Variants in INIP observed in about 807,000 individuals in gnomAD.
The protein encoded by INIP is SOSS complex subunit C.
In INIP, 9 loss-of-function variants were observed where a neutral mutation model predicts 14.0. The ratio of observed to expected loss-of-function variants is 0.64; its 90% CI spans 0.39 to 1.12. The LOEUF (loss-of-function observed/expected upper bound fraction) is 1.12. Among genes scored for constraint, INIP ranks in the 50% most tolerant of loss-of-function variants. INIP has a pLI of 0.01. For synonymous variants in INIP, 37 were observed against 41.5 expected (o/e 0.89, Z 0.41); for missense variants, 78 against 122.7 (o/e 0.64, Z 1.72).
chr9:112,702,496 T>G (rs1838329365), intron 2 of INIP, among the ~76,000 whole-genome samples: 1 of 152,148 alleles, frequency 6.6e-6, no homozygotes, highest in South Asian at 2.1e-4. Context: ...TACATGAGAG[T>G]GAGGGTGGCA....
intron 2 of INIP, among the ~76,000 whole-genome samples, chr9:112,715,125 TACATACATAC>T (rs1483223715): frequency 7.0e-4 from 75 of 106,412 alleles, no homozygotes; most frequent in African/African-American, 2.6e-3. Flanking sequence ...CACACATACA[TACATACATAC>T]ACACACACAC....
In INIP at chr9:112,716,555, GTACACACA is replaced by G; in HGVS notation, c.-56-22_-56-15del. On this transcript the variant is annotated splice_polypyrimidine_tract_variant and intron_variant, in intron 1 of 4. Transcript: ENST00000374242. ...CTTCACAATCACCTATAAAATATGT[GTACACACA>G]TATACAATGCACCATATTTTAATCA... 1.6e-6 allele frequency: 2 copies of G among 1,279,636 alleles called. No individual in the cohort carries two copies. Among genetic ancestry groups the G allele is most frequent in the Non-Finnish European group, 2.3e-6 (2 of 875,206 alleles). The allele number at this position is 1,279,636 out of a possible 1,614,324, so 79.3% of individuals were successfully genotyped here.
intron 3 of INIP, among the ~76,000 whole-genome samples, chr9:112,691,662 C>T (rs1382066815): frequency 2.6e-5 from 4 of 152,238 alleles, no homozygotes; most frequent in African/African-American, 9.6e-5. Context: ...AAGATAGTCT[C>T]CTCCTACTGT....
intron 4 of INIP, among the ~76,000 whole-genome samples, chr9:112,688,468 C>T (rs1356926272): frequency 6.7e-6 from 1 of 150,302 alleles, no homozygotes; most frequent in East Asian, 2.0e-4. Context: ...CAGAAAACCA[C>T]CAGTAACTTC....
At chr9:112,708,476 G>A (rs1488514665) in intron 2 of INIP, among the ~76,000 whole-genome samples, 1 of 152,146 alleles carries the variant, frequency 6.6e-6, no homozygotes, top group Non-Finnish European at 1.5e-5. Context: ...TAAATCAGGA[G>A]GAGAGTGATG....
chr9:112,693,181 T>G (rs1272950943), intron 3 of INIP, among the ~76,000 whole-genome samples: 2 of 152,170 alleles, frequency 1.3e-5, no homozygotes, highest in African/African-American at 4.8e-5. Context: ...AAAATATGCT[T>G]CTTTGATATA....
In INIP at chr9:112,694,208, T is replaced by G. The variant is rs947792257; in HGVS notation, c.51A>C (p.Ala17=). 2 of 1,609,804 alleles carry G rather than the reference T, an allele frequency of 1.2e-6. No homozygotes were observed. Among genetic ancestry groups the G allele is most frequent in the Admixed American group, 3.4e-5 (2 of 59,088 alleles). The part of the protein sequence containing the change: ...GQGFQNKNRV[A]ILAELDKEKR... Reference sequence around the variant, plus strand: ...TCTCTTTGTCCAGTTCTGCCAAGATTGCAACTCTATTTTTGTTTTGAAAAC... The same window carrying G: ...TCTCTTTGTCCAGTTCTGCCAAGATGGCAACTCTATTTTTGTTTTGAAAAC... The change falls in exon 3 of 5, where the codon GCA becomes GCC. Residue 17 remains alanine, a synonymous_variant. Coordinates refer to ENST00000374242, the MANE Select transcript of INIP (RefSeq NM_021218.3).
chr9:112,691,226 A>G (rs1421093387), intron 3 of INIP, among the ~76,000 whole-genome samples: 1 of 152,232 alleles, frequency 6.6e-6, no homozygotes, highest in African/African-American at 2.4e-5. Flanking sequence ...CACCTTTCAA[A>G]GTATAATCAC....
At position 112,716,529 on chromosome 9, in the gene INIP, A is replaced by G; in HGVS notation, c.-44T>C. 2 of 1,586,892 alleles carry G rather than the reference A, an allele frequency of 1.3e-6. No individual in the cohort carries two copies. Among genetic ancestry groups the G allele is most frequent in the African/African-American group, 2.7e-5 (2 of 74,528 alleles). On this transcript the variant is annotated 5_prime_UTR_variant, in exon 2 of 5. Transcript: ENST00000374242. Reference sequence around the variant, plus strand: ...GTATGTCCAGTGGCAATTGGTCAGCACTTCACAATCACCTATAAAATATGT... The same window carrying G: ...GTATGTCCAGTGGCAATTGGTCAGCGCTTCACAATCACCTATAAAATATGT...
chr9:112,699,505 G>A (rs766816263), intron 2 of INIP, among the ~76,000 whole-genome samples: 1 of 152,030 alleles, frequency 6.6e-6, no homozygotes. Flanking sequence ...TTTCATTGCA[G>A]TATATTGTTA....
chr9:112,715,835 T>A (rs986576918), intron 2 of INIP, among the ~76,000 whole-genome samples: 5 of 152,042 alleles, frequency 3.3e-5, no homozygotes, highest in African/African-American at 7.2e-5. Flanking sequence ...TTTTTAAAAT[T>A]TTTAATTTTT....
At chr9:112,709,421 G>A (rs755784006) in intron 2 of INIP, among the ~76,000 whole-genome samples, 4 of 152,186 alleles carry the variant, frequency 2.6e-5, no homozygotes, top group Middle Eastern at 3.4e-3. Flanking sequence ...TGGAATCAAC[G>A]TGGGTTCTCA....
chr9:112,694,145 A>T lies in INIP; in HGVS notation c.114T>A (p.Asn38Lys), dbSNP rs748457885. The T allele has an allele frequency of 4.8e-5, 76 of 1,597,232 alleles. No homozygotes were observed. The highest frequency in any genetic ancestry group is 6.1e-5 in the Non-Finnish European group (71 of 1,169,548). ...KLLMQNQSSTNHPGASIALSR... is the reference protein window; with the variant it reads ...KLLMQNQSSTKHPGASIALSR... ...AGTGTCAATACCTAGCTCCAGGATGATTTGTTGAAGACTGGTTCTGCATAA... is the reference window on the plus strand; with the variant it reads ...AGTGTCAATACCTAGCTCCAGGATGTTTTGTTGAAGACTGGTTCTGCATAA... The change falls in exon 3 of 5, where the codon AAT becomes AAA. Residue 38 changes from asparagine to lysine, a missense_variant. By Grantham distance (94) the Asn-to-Lys change is moderately conservative. Transcript: ENST00000374242.
chr9:112,692,734 CAA>C (rs537617018), intron 3 of INIP, among the ~76,000 whole-genome samples: 7 of 131,448 alleles, frequency 5.3e-5, no homozygotes, highest in Non-Finnish European at 3.3e-5. Flanking sequence ...ATACAAAACT[CAA>C]AAAAAAAAAA....
In INIP at chr9:112,704,527, T is replaced by C. The variant is rs1474182268; in HGVS notation, c.26-10294A>G. The stretch of plus-strand genomic sequence containing the variant: ...AGAAAGGCATGAACTTAAAAAAAAA[T>C]CCTCCTGAGCAGGTAACATTCAATT... On this transcript the variant is annotated intron_variant, in intron 2 of 4. Transcript: ENST00000374242. Among the ~76,000 whole-genome samples, 3 of 152,122 alleles carry C rather than the reference T, an allele frequency of 2.0e-5. No individual in the cohort carries two copies. In the East Asian group the frequency reaches 5.8e-4, roughly 29 times the overall value.
In INIP at chr9:112,699,741, G is replaced by A. The variant is rs562665750; in HGVS notation, c.26-5508C>T. ...CATAATATTAAACAAGCAGAATGGGGTGGCAACTCTAAAAACGCTATCCAT... is the reference window on the plus strand; with the variant it reads ...CATAATATTAAACAAGCAGAATGGGATGGCAACTCTAAAAACGCTATCCAT... On this transcript the variant is annotated intron_variant, in intron 2 of 4. Coordinates refer to ENST00000374242, the MANE Select transcript of INIP (RefSeq NM_021218.3). Among the ~76,000 whole-genome samples the A allele has an allele frequency of 7.1e-4, 108 of 152,144 alleles. 1 individual carries two copies. The highest frequency in any genetic ancestry group is 2.5e-3 in the African/African-American group (104 of 41,488).
intron 2 of INIP, among the ~76,000 whole-genome samples, chr9:112,706,109 G>A (rs1266367241): frequency 6.6e-6 from 1 of 152,172 alleles, no homozygotes. Context: ...GGTGCTCAAT[G>A]CCATTGATCA....
Position 112,711,767 on chromosome 9 carries a change from G to T in INIP, c.25+4694C>A, listed in dbSNP as rs189932401. On this transcript the variant is annotated intron_variant, in intron 2 of 4. Coordinates refer to ENST00000374242, the MANE Select transcript of INIP (RefSeq NM_021218.3). ...AATGGTATTAGCTGGTTACTGCTGG[G>T]AAAGCTGTCACCACAACTTGCTTTT... 1.3e-5 allele frequency among the ~76,000 whole-genome samples: 2 copies of T among 152,302 alleles called. 1 individual carries two copies. Among genetic ancestry groups the T allele is most frequent in the Admixed American group, 1.3e-4 (2 of 15,300 alleles).
intron 1 of INIP, among the ~76,000 whole-genome samples, chr9:112,716,753 T>A (rs758050074): frequency 6.6e-6 from 1 of 151,844 alleles, no homozygotes; most frequent in Non-Finnish European, 1.5e-5. Context: ...GAGACCATCC[T>A]GGCTAACATG....
Sources: gnomAD v4.1 joint callset for allele counts (sites outside exome capture counted in the v4.1 genomes callset) on GRCh38, gnomAD v4.1.1 for gene constraint, MANE v1.5 for transcripts, NCBI Gene and HGNC (gene_info 2026-07-23, HGNC 2026-07-21) for gene names.